ANO1: variants seen among roughly 807,000 people sequenced by gnomAD.
ANO1 encodes the protein anoctamin-1.
Under a neutral mutation model 124.0 loss-of-function variants are expected in ANO1, and 59 were observed. The observed-to-expected ratio is 0.48, with a 90% CI of 0.39 to 0.59. The LOEUF (loss-of-function observed/expected upper bound fraction) is 0.59, where lower values mean the gene tolerates loss of function less well. Ranked by LOEUF, ANO1 falls within the 20% of genes least tolerant of loss-of-function variation. The pLI, the probability that ANO1 is intolerant of heterozygous loss-of-function variation, is 0.00. For synonymous variants in ANO1, 529 were observed against 532.0 expected (o/e 0.99, Z 0.08); for missense variants, 1,059 against 1,328.0 (o/e 0.80, Z 3.15).
At chr11:69,972,476 T>C in the ANO1 span, among the ~76,000 whole-genome samples, 1 of 151,952 alleles carries the variant, frequency 6.6e-6, no homozygotes, top group Non-Finnish European at 1.5e-5. Context: ...CTGGGAGGGG[T>C]GTACAGGCAC....
chr11:69,983,716 A>G (rs1855977768), upstream of ANO1, among the ~76,000 whole-genome samples: 1 of 152,208 alleles, frequency 6.6e-6, no homozygotes. Flanking sequence ...GAGCTGGTTC[A>G]GGTATTTACT....
upstream of ANO1, among the ~76,000 whole-genome samples, chr11:70,073,845 C>T (rs1354126175): frequency 3.4e-5 from 4 of 119,380 alleles, no homozygotes; most frequent in South Asian, 3.5e-4. Context: ...ACCCTCCCCC[C>T]GCCCCCCACC....
chr11:70,122,850 T>C (rs2046349045), intron 8 of ANO1, among the ~76,000 whole-genome samples: 1 of 152,206 alleles, frequency 6.6e-6, no homozygotes, highest in Non-Finnish European at 1.5e-5. Flanking sequence ...GCAGCTTGAC[T>C]CTAGGTGAGA....
At position 70,182,779 on chromosome 11, in the gene ANO1, A is replaced by G. The variant is rs117807995; in HGVS notation, c.2588+93A>G. ...ACGGGGCTCAAATCAGGAGCAAGTC[A>G]TGAAACAACGCAAACTTGCTTAAAA... On this transcript the variant is annotated intron_variant, in intron 24 of 25. Coordinates refer to ENST00000355303, the MANE Select transcript of ANO1 (RefSeq NM_018043.7). 1.2e-3 allele frequency: 1,371 copies of G among 1,150,368 alleles called. 26 individuals carry two copies. The East Asian group carries it at 0.033, about 27-fold the overall frequency. 71.3% of individuals were successfully genotyped at this position (1,150,368 alleles called of 1,614,324 possible).
intron 1 of ANO1, among the ~76,000 whole-genome samples, chr11:69,998,412 C>A (rs1190488838): frequency 6.6e-6 from 1 of 152,072 alleles, no homozygotes; most frequent in African/African-American, 2.4e-5. Flanking sequence ...CTGTGTCCAG[C>A]GTCCTCGGTT....
the ANO1 span, among the ~76,000 whole-genome samples, chr11:69,967,805 T>C: frequency 6.6e-6 from 1 of 152,084 alleles, no homozygotes; most frequent in African/African-American, 2.4e-5. Flanking sequence ...AAGGAGACAT[T>C]GAAAAGAGGG....
chr11:70,069,872 G>A (rs1555009094), intron 1 of ANO1, among the ~76,000 whole-genome samples: 1 of 152,206 alleles, frequency 6.6e-6, no homozygotes, highest in Non-Finnish European at 1.5e-5. Context: ...TTGGGGAGGA[G>A]ATCCCATGTC....
At chr11:70,179,905 T>C (rs1288241728) in intron 22 of ANO1, 99 bp from the exon 23 acceptor site, 1 of 1,103,438 alleles carries the variant, frequency 9.1e-7, no homozygotes, top group African/African-American at 1.5e-5. Context: ...TGAGAAAGCC[T>C]GGCCCCTGCA....
intron 4 of ANO1, 61 bp downstream of exon 4, chr11:70,104,211 A>C: frequency 6.6e-7 from 1 of 1,511,662 alleles, no homozygotes; most frequent in Non-Finnish European, 8.9e-7. Context: ...TTAACCTTCT[A>C]GCATGAGAAA....
At chr11:70,121,961 C>T (rs2046301130) in intron 8 of ANO1, among the ~76,000 whole-genome samples, 1 of 147,304 alleles carries the variant, frequency 6.8e-6, no homozygotes, top group Non-Finnish European at 1.5e-5. Context: ...TCTCCACCTC[C>T]CCACCTCTCT....
At chr11:70,177,594 C>CTTTTTTTTTTTTTTT (rs57647858) in intron 22 of ANO1, among the ~76,000 whole-genome samples, 135 of 78,884 alleles carry the variant, frequency 1.7e-3, no homozygotes, top group Admixed American at 2.3e-3. Flanking sequence ...TTTTTTTTTT[C>CTTTTTTTTTTTTTTT]TTTTTTTTTT....
At chr11:69,982,899 G>T (rs1014803464), upstream of ANO1, among the ~76,000 whole-genome samples, 4 of 152,204 alleles carry the variant, frequency 2.6e-5, no homozygotes, top group Admixed American at 6.5e-5. Flanking sequence ...GCATTTAAAT[G>T]ACCTGTGGCC....
chr11:70,131,967 C>T lies in ANO1; in HGVS notation c.1146C>T (p.Cys382=), dbSNP rs769413652. The stretch of plus-strand genomic sequence containing the variant: ...ACAATATCACCATGTGCCCGCTTTG[C>T]GACAAGACCTGCAGCTACTGGAAGA... The part of the protein sequence containing the change: ...QRHNITMCPL[C]DKTCSYWKMS... The change falls in exon 11 of 26, where the codon TGC becomes TGT. Residue 382 remains cysteine, a synonymous_variant. Transcript: ENST00000355303. 9.9e-6 allele frequency: 16 copies of T among 1,610,080 alleles called. No individual in the cohort carries two copies. Among genetic ancestry groups the T allele is most frequent in the African/African-American group, 6.7e-5 (5 of 74,924 alleles).
intron 1 of ANO1, among the ~76,000 whole-genome samples, chr11:70,020,730 G>A (rs1856789465): frequency 6.6e-6 from 1 of 152,230 alleles, no homozygotes; most frequent in Admixed American, 6.5e-5. Context: ...AGAGTGCTGG[G>A]TGTGGGTGCC....
Position 70,185,656 on chromosome 11 carries a change from C to T in ANO1, c.2655C>T (p.Ala885=), listed in dbSNP as rs775048703. The T allele has an allele frequency of 2.4e-5, 39 of 1,613,818 alleles. No homozygotes were observed. Among genetic ancestry groups the T allele is most frequent in the Admixed American group, 1.5e-4 (9 of 60,006 alleles). ...ACGACATCTCCAAGGACTTCTGGGC[C>T]GTCCTGGCAGCCCGGCTGGCGTTTG... is the stretch of plus-strand genomic sequence containing the variant. ...NKYDISKDFW[A]VLAARLAFVI... The change falls in exon 25 of 26, where the codon GCC becomes GCT. Residue 885 remains alanine (A), a synonymous_variant. Coordinates refer to ENST00000355303, the MANE Select transcript of ANO1 (RefSeq NM_018043.7).
intron 1 of ANO1, among the ~76,000 whole-genome samples, chr11:70,022,085 G>A (rs1469708754): frequency 6.6e-6 from 1 of 152,138 alleles, no homozygotes; most frequent in African/African-American, 2.4e-5. Context: ...GACATCTCAC[G>A]TTGGGCAGAA....
At chr11:69,973,157 C>T in the ANO1 span, among the ~76,000 whole-genome samples, 2 of 152,258 alleles carry the variant, frequency 1.3e-5, no homozygotes, top group East Asian at 3.9e-4. Flanking sequence ...GATCCACCCA[C>T]CTCAGCCTCC....
chr11:70,108,005 G>A (rs1242659291), intron 5 of ANO1, among the ~76,000 whole-genome samples: 1 of 152,210 alleles, frequency 6.6e-6, no homozygotes, highest in Non-Finnish European at 1.5e-5. Flanking sequence ...AATCCACCAG[G>A]CAGGGTACGT....
intron 1 of ANO1, 132 bp from the exon 2 acceptor site, chr11:70,087,620 C>A (rs1222135857): frequency 1.5e-5 from 13 of 871,806 alleles, no homozygotes; most frequent in Non-Finnish European, 2.2e-5. Context: ...GTGCCTGGCC[C>A]GTGGAGGGCG....
Sources: allele counts gnomAD v4.1 joint callset (sites outside exome capture counted in the v4.1 genomes callset), GRCh38; gene constraint gnomAD v4.1.1; transcripts MANE v1.5; gene names NCBI Gene and HGNC (gene_info 2026-07-23, HGNC 2026-07-21).